The following TTC13 variants were observed in gnomAD, a reference collection of about 807,000 sequenced individuals.
TTC13 encodes the protein tetratricopeptide repeat domain 13.
TTC13 carries 62 observed loss-of-function variants against 120.0 expected under a neutral mutation model. The observed-to-expected ratio is 0.52, with a 90% confidence interval of 0.42 to 0.64. The LOEUF (loss-of-function observed/expected upper bound fraction) is 0.64, where lower values mean the gene tolerates loss of function less well. TTC13 is among the 30% of genes least tolerant of loss of function. The pLI, the probability that TTC13 is intolerant of heterozygous loss-of-function variation, is 0.00. For synonymous variants in TTC13, 384 were observed against 393.5 expected, an observed-to-expected ratio of 0.98 and a Z score of 0.28; for missense variants, 824 against 1,050.2, an observed-to-expected ratio of 0.78 and a Z score of 2.98.
At chr1:230,939,350 G>T in intron 8 of TTC13, 36 bp downstream of exon 8, 1 of 1,325,682 alleles carries the variant, frequency 7.5e-7, no homozygotes, top group Non-Finnish European at 1.1e-6. Context: ...GAGAAGCAGA[G>T]TCATCATATG....
In TTC13 at chr1:230,942,146, T is replaced by C. The variant is rs186502464; in HGVS notation, c.673-1590A>G. 7.9e-4 allele frequency among the ~76,000 whole-genome samples: 120 copies of C among 152,324 alleles called. No individual in the cohort carries two copies. Among genetic ancestry groups the C allele is most frequent in the Middle Eastern group, 3.4e-3 (1 of 294 alleles). ...ATAAACAGTAGTTTTTTATTAGATA[T>C]GCAAATTGTAAAGACCTGTTAAATA... On this transcript the variant is annotated intron_variant, in intron 6 of 22. Transcript: ENST00000366661. The surrounding 1 kb of genome is among the most constrained non-coding windows in gnomAD (Gnocchi z 4.0).
chr1:230,933,218 C>T (rs1296882133), intron 9 of TTC13, among the ~76,000 whole-genome samples: 2 of 152,098 alleles, frequency 1.3e-5, no homozygotes, highest in Non-Finnish European at 2.9e-5. Context: ...AGTGATCTGC[C>T]TGCCTTAGCC....
At chr1:230,921,141 T>G (rs1672537835) in intron 16 of TTC13, among the ~76,000 whole-genome samples, 1 of 152,196 alleles carries the variant, frequency 6.6e-6, no homozygotes. Flanking sequence ...CTGAAATCCC[T>G]AAAAGATAAA....
chr1:230,916,155 C>T (rs757234105), intron 18 of TTC13, 38 bp downstream of exon 18: 27 of 1,464,710 alleles, frequency 1.8e-5, no homozygotes, highest in South Asian at 3.4e-5. Context: ...CTTCCTGCCT[C>T]GTCTCTAGTT....
chr1:230,922,504 A>C (rs1672670616), intron 15 of TTC13, among the ~76,000 whole-genome samples: 2 of 152,122 alleles, frequency 1.3e-5, no homozygotes, highest in Admixed American at 6.5e-5. Flanking sequence ...AGGGGAAAAA[A>C]TTCCTTAGCT....
At position 230,978,788 on chromosome 1, in the gene TTC13, C is replaced by A; in HGVS notation, c.43G>T (p.Gly15Cys). The A allele has an allele frequency of 6.7e-7, 1 of 1,498,932 alleles. No homozygotes were observed. Among genetic ancestry groups the A allele is most frequent in the Non-Finnish European group, 8.8e-7 (1 of 1,133,376 alleles). 92.9% of individuals were successfully genotyped at this position (1,498,932 alleles called of 1,614,324 possible). ...GCCCCCCFWG[G>C]AVAAAGAARR... ...GCGGCGCCCGCGGCGGCCACAGCGC[C>A]GCCCCAGAAGCAGCAGCAGCAGCAG... Residue 15 changes from glycine to cysteine, a missense_variant, in exon 1 of 23, where the codon GGC becomes TGC. By Grantham distance (159) the Gly-to-Cys change is radical. Around this residue, in one of 4 missense-constraint regions of TTC13, gnomAD observed 160 missense variants for 137.2 expected, o/e 1.17. Transcript: ENST00000366661. The surrounding 1 kb of genome is among the most constrained non-coding windows in gnomAD (Gnocchi z 5.6).
intron 11 of TTC13, 56 bp from the exon 12 acceptor site, chr1:230,929,149 A>T: frequency 6.5e-7 from 1 of 1,537,714 alleles, no homozygotes; most frequent in Non-Finnish European, 8.9e-7. Context: ...AAACTTTCTT[A>T]TGGCTAGCTG....
chr1:230,908,489 C>A, intron 22 of TTC13: 1 of 553,306 alleles, frequency 1.8e-6, no homozygotes, highest in East Asian at 3.4e-5. Flanking sequence ...TGTGCCTGGC[C>A]TTCATAGTCC....
chr1:230,928,971 A>T lies in TTC13; in HGVS notation c.1423T>A (p.Tyr475Asn). The change falls in exon 12 of 23, where the codon TAC becomes AAC. Residue 475 changes from tyrosine (Y) to asparagine (N), a missense_variant. This residue lies in a region of TTC13 where 430 missense variants were observed against 626.8 expected (regional missense o/e 0.69). Coordinates refer to ENST00000366661, the MANE Select transcript of TTC13 (RefSeq NM_024525.5). ...GGTTGCAACCCTGGCTGCTCTTCGT[A>T]GTCTTCTATGAGGAAAGGCAAATTT... is the stretch of plus-strand genomic sequence containing the variant. ...AKNLPFLIED[Y>N]EEQPGLQPHI... is the part of the protein sequence containing the mutation. The T allele has an allele frequency of 6.2e-7, 1 of 1,614,112 alleles. No homozygotes were observed. Among genetic ancestry groups the T allele is most frequent in the South Asian group, 1.1e-5 (1 of 91,070 alleles).
chr1:230,926,178 A>G (rs1673033107), intron 12 of TTC13, among the ~76,000 whole-genome samples: 1 of 152,114 alleles, frequency 6.6e-6, no homozygotes. Flanking sequence ...ATTGGCTGAA[A>G]GGGCTCAGTG....
At chr1:230,915,777 TTC>T (rs146519721) in intron 18 of TTC13, among the ~76,000 whole-genome samples, 29,532 of 150,382 alleles carry the variant, frequency 0.2, 3,192 homozygotes, top group African/African-American at 0.3. Context: ...TAAAGCTGTT[TTC>T]TCTCTCTCTC....
intron 1 of TTC13, among the ~76,000 whole-genome samples, chr1:230,961,820 A>C (rs921072145): frequency 3.9e-5 from 6 of 152,148 alleles, no homozygotes; most frequent in East Asian, 1.9e-4. Flanking sequence ...TGTTGTTGAG[A>C]TCCTTCAGTC....
At chr1:230,960,875 C>G (rs1411851664) in intron 2 of TTC13, among the ~76,000 whole-genome samples, 1 of 152,170 alleles carries the variant, frequency 6.6e-6, no homozygotes, top group African/African-American at 2.4e-5. Flanking sequence ...TGATAGAAAA[C>G]ATAGATACAA....
intron 8 of TTC13, among the ~76,000 whole-genome samples, chr1:230,937,675 G>T (rs926885900): frequency 5.3e-5 from 8 of 152,266 alleles, no homozygotes; most frequent in African/African-American, 1.9e-4. Context: ...TTTTGGTTTG[G>T]TTTTTAGTGG....
chr1:230,956,086 T>C (rs768691769), intron 3 of TTC13, among the ~76,000 whole-genome samples: 5 of 152,208 alleles, frequency 3.3e-5, no homozygotes, highest in Non-Finnish European at 7.3e-5. Flanking sequence ...TCCACTGCAA[T>C]GAGGTAGGTA....
chr1:230,925,541 G>A lies in TTC13; in HGVS notation c.1564C>T (p.Leu522=), dbSNP rs1267988607. 1 of 1,613,924 alleles carries A rather than the reference G, an allele frequency of 6.2e-7. No homozygotes were observed. Among genetic ancestry groups the A allele is most frequent in the Non-Finnish European group, 8.5e-7 (1 of 1,179,992 alleles). ...SLMQYETPGF[L]PNKRIHRAMG... ...CCTCTGTGTATTCTCTTGTTTGGCAGGAAACCAGGTGTTTCATATTGCATC... is the reference window on the plus strand; with the variant it reads ...CCTCTGTGTATTCTCTTGTTTGGCAAGAAACCAGGTGTTTCATATTGCATC... Residue 522 remains leucine (L), a synonymous_variant, in exon 13 of 23, where the codon CTG becomes TTG. Coordinates refer to ENST00000366661, the MANE Select transcript of TTC13 (RefSeq NM_024525.5).
chr1:230,965,039 G>A (rs1676997644), intron 1 of TTC13, among the ~76,000 whole-genome samples: 1 of 152,082 alleles, frequency 6.6e-6, no homozygotes, highest in African/African-American at 2.4e-5. Flanking sequence ...AGAAAACGTT[G>A]GGGAAGCTCT....
intron 14 of TTC13, among the ~76,000 whole-genome samples, chr1:230,924,611 C>A (rs888479569): frequency 6.6e-6 from 1 of 152,164 alleles, no homozygotes; most frequent in Non-Finnish European, 1.5e-5. Flanking sequence ...GGATTACAGG[C>A]GTGAGCCACT....
At chr1:230,913,555 A>G (rs909143908) in intron 18 of TTC13, among the ~76,000 whole-genome samples, 2 of 152,200 alleles carry the variant, frequency 1.3e-5, no homozygotes, top group East Asian at 3.9e-4. Flanking sequence ...GGGTCTCACC[A>G]TGTTGCCCAG....
Sources: gnomAD v4.1 joint callset for allele counts (sites outside exome capture counted in the v4.1 genomes callset) on GRCh38, gnomAD v4.1.1 for gene constraint, gnomAD v4.1.1 regional missense constraint, Gnocchi (gnomAD v3.1) non-coding constraint, MANE v1.5 for transcripts, NCBI Gene and HGNC (gene_info 2026-07-23, HGNC 2026-07-21) for gene names.